SLC39A9: variants seen among roughly 807,000 people sequenced by gnomAD.
SLC39A9 encodes the protein zinc transporter ZIP9.
In SLC39A9, 14 loss-of-function variants were observed where a neutral mutation model predicts 28.4. The observed-to-expected ratio is 0.49, with a 90% confidence interval of 0.33 to 0.77. SLC39A9 has a LOEUF of 0.77. Among genes scored for constraint, SLC39A9 ranks in the 30% least tolerant of loss-of-function variants. The pLI, the probability that SLC39A9 is intolerant of heterozygous loss-of-function variation, is 0.02. For missense variants in SLC39A9, 283 were observed against 381.1 expected (o/e 0.74, Z 2.14); for synonymous variants, 119 against 149.6 (o/e 0.80, Z 1.49).
chr14:69,399,917 C>G (rs933051901), intron 1 of SLC39A9, among the ~76,000 whole-genome samples: 1 of 152,114 alleles, frequency 6.6e-6, no homozygotes, highest in Non-Finnish European at 1.5e-5. Context: ...GAGTTCTAGA[C>G]CAGCCTGGGC....
Position 69,459,408 on chromosome 14 carries a change from T to C in SLC39A9, c.*815T>C. The C allele has an allele frequency of 1.0e-6, 1 of 985,450 alleles. No homozygotes were observed. Among genetic ancestry groups the C allele is most frequent in the Non-Finnish European group, 1.2e-6 (1 of 829,934 alleles). The allele number at this position is 985,450 out of a possible 1,614,324, so 61.0% of individuals were successfully genotyped here. A position where few individuals can be genotyped will look rare whatever the true frequency, so the allele number is the denominator to read the frequency against. On this transcript the variant is annotated 3_prime_UTR_variant, in exon 7 of 7. Coordinates refer to ENST00000336643, the MANE Select transcript of SLC39A9 (RefSeq NM_018375.5). The stretch of plus-strand genomic sequence containing the variant: ...AGCCAAGTTCTAGTAGTTTCAGTTC[T>C]AGGCTTTCCTTCAAGAACAGTCAGA...
At chr14:69,435,873 A>G (rs1290882119) in intron 2 of SLC39A9, among the ~76,000 whole-genome samples, 2 of 151,716 alleles carry the variant, frequency 1.3e-5, no homozygotes, top group East Asian at 3.9e-4. Flanking sequence ...GGATTTCACC[A>G]TGTTGCCCAG....
chr14:69,401,352 CTA>C (rs1882623016), intron 1 of SLC39A9, among the ~76,000 whole-genome samples: 2 of 152,122 alleles, frequency 1.3e-5, no homozygotes, highest in South Asian at 4.1e-4. Context: ...TGTGAACCTG[CTA>C]TGTTTCCTTT....
At chr14:69,447,900 G>A (rs1201566521) in intron 3 of SLC39A9, among the ~76,000 whole-genome samples, 2 of 145,486 alleles carry the variant, frequency 1.4e-5, no homozygotes, top group East Asian at 2.0e-4. Context: ...GCAACAGAGG[G>A]AGGCCCTGTC....
In SLC39A9 at chr14:69,446,720, A is replaced by G. The variant is rs187600256; in HGVS notation, c.403+4454A>G. On this transcript the variant is annotated intron_variant, in intron 3 of 6. Transcript: ENST00000336643. ...AAACCCCATCTCTACTAAAAATACA[A>G]AAATTAGCCAGGTATGGTGGCACAC... Among the ~76,000 whole-genome samples the G allele has an allele frequency of 6.4e-4, 97 of 151,986 alleles. 1 individual carries two copies. The East Asian group carries it at 0.016, about 25-fold the overall frequency.
intron 1 of SLC39A9, among the ~76,000 whole-genome samples, chr14:69,423,090 T>TA (rs1446473827): frequency 6.6e-6 from 1 of 152,212 alleles, no homozygotes; most frequent in Non-Finnish European, 1.5e-5. Context: ...ATAAATGTTT[T>TA]AAAAGTTATG....
At chr14:69,429,572 G>C (rs1295041887) in intron 2 of SLC39A9, 1 of 152,140 alleles carries the variant, frequency 6.6e-6, no homozygotes, top group Admixed American at 6.6e-5. Context: ...CAAAAAATTA[G>C]CCACGCATGG....
At chr14:69,441,935 T>C in intron 2 of SLC39A9, 134 bp from the exon 3 acceptor site, 1 of 1,425,252 alleles carries the variant, frequency 7.0e-7, no homozygotes, top group Non-Finnish European at 9.1e-7. Flanking sequence ...AATGATTGGC[T>C]GGATTACAAT....
intron 1 of SLC39A9, among the ~76,000 whole-genome samples, chr14:69,420,362 G>T (rs1395184996): frequency 6.6e-6 from 1 of 152,236 alleles, no homozygotes; most frequent in East Asian, 1.9e-4. Context: ...TCTGCTGAGA[G>T]ATACGCTGTT....
At chr14:69,435,321 C>T (rs907768928) in intron 2 of SLC39A9, among the ~76,000 whole-genome samples, 36 of 152,146 alleles carry the variant, frequency 2.4e-4, no homozygotes, top group Non-Finnish European at 2.9e-5. Flanking sequence ...GGTAATATTT[C>T]TTGTTCACAA....
intron 1 of SLC39A9, among the ~76,000 whole-genome samples, chr14:69,415,986 A>G (rs1883555653): frequency 6.6e-6 from 1 of 152,084 alleles, no homozygotes; most frequent in Non-Finnish European, 1.5e-5. Context: ...TTTGTTACAT[A>G]TGTATACATG....
chr14:69,418,654 G>T (rs1025632484), intron 1 of SLC39A9, among the ~76,000 whole-genome samples: 5 of 152,094 alleles, frequency 3.3e-5, no homozygotes, highest in Admixed American at 2.6e-4. Flanking sequence ...TTTTTGGTTG[G>T]TAGGCTATTA....
intron 4 of SLC39A9, 30 bp downstream of exon 4, chr14:69,453,339 G>C: frequency 6.3e-7 from 1 of 1,598,552 alleles, no homozygotes; most frequent in Non-Finnish European, 8.6e-7. Context: ...GAACTTCTTT[G>C]TTTTCTATCG....
intron 3 of SLC39A9, among the ~76,000 whole-genome samples, chr14:69,452,067 T>C (rs1273935058): frequency 1.3e-5 from 2 of 152,132 alleles, no homozygotes; most frequent in African/African-American, 2.4e-5. Context: ...TAGACTTTGA[T>C]TGATGTCCAA....
intron 4 of SLC39A9, 30 bp from the exon 5 acceptor site, chr14:69,454,782 T>G: frequency 6.4e-7 from 1 of 1,573,362 alleles, no homozygotes; most frequent in South Asian, 1.1e-5. Flanking sequence ...TTGTTTATAG[T>G]ATTTTATGTT....
chr14:69,403,754 G>A (rs1431345658), intron 1 of SLC39A9, among the ~76,000 whole-genome samples: 1 of 152,074 alleles, frequency 6.6e-6, no homozygotes, highest in African/African-American at 2.4e-5. Context: ...TATTAAAACA[G>A]CAAAGCAGGC....
intron 2 of SLC39A9, among the ~76,000 whole-genome samples, chr14:69,428,292 G>T (rs1884305045): frequency 6.7e-6 from 1 of 148,844 alleles, no homozygotes; most frequent in Non-Finnish European, 1.5e-5. Context: ...AAAAAAAAAA[G>T]TTTATGGGGA....
In SLC39A9 at chr14:69,457,191, C is replaced by T. The variant is rs962737082; in HGVS notation, c.694-1172C>T. On this transcript the variant is annotated intron_variant, in intron 6 of 6. Coordinates refer to ENST00000336643, the MANE Select transcript of SLC39A9 (RefSeq NM_018375.5). ...TGAGATATACATATATATACACACA[C>T]ACACACACACACACATTTTTTTTTT... Among the ~76,000 whole-genome samples, 143 of 151,934 alleles carry T rather than the reference C, an allele frequency of 9.4e-4. 1 individual carries two copies. The highest frequency in any genetic ancestry group is 3.2e-3 in the African/African-American group (134 of 41,416).
intron 1 of SLC39A9, among the ~76,000 whole-genome samples, chr14:69,410,224 CT>C (rs1194287242): frequency 6.6e-6 from 1 of 152,102 alleles, no homozygotes. Flanking sequence ...TTATTACTGC[CT>C]TAGAAGGTGT....
Sources: allele counts gnomAD v4.1 joint callset (sites outside exome capture counted in the v4.1 genomes callset), GRCh38; gene constraint gnomAD v4.1.1; transcripts MANE v1.5; gene names NCBI Gene and HGNC (gene_info 2026-07-23, HGNC 2026-07-21).